The following GRIN2A variants were observed in gnomAD, a reference collection of about 807,000 sequenced individuals.
GRIN2A encodes glutamate ionotropic receptor NMDA type subunit 2A.
GRIN2A carries 22 observed loss-of-function variants against 113.4 expected under a neutral mutation model. That is an observed-to-expected ratio of 0.19 (90% confidence interval 0.14 to 0.28). The LOEUF is 0.28. Ranked by LOEUF, GRIN2A falls within the 10% of genes least tolerant of loss-of-function variation. The probability of loss-of-function intolerance (pLI) is 1.00; values close to 1 mark genes in which losing one functional copy is unlikely to be tolerated. For missense variants in GRIN2A, 1,502 were observed against 1,887.0 expected, an observed-to-expected ratio of 0.80 and a Z score of 3.78; for synonymous variants, 827 against 738.4, an observed-to-expected ratio of 1.12 and a Z score of -1.94.
At chr16:9,924,046 G>A (rs1395622155) in intron 3 of GRIN2A, among the ~76,000 whole-genome samples, 1 of 149,974 alleles carries the variant, frequency 6.7e-6, no homozygotes, top group Non-Finnish European at 1.5e-5. Flanking sequence ...AGAAGGTGGA[G>A]GTTGTAGTGA....
intron 2 of GRIN2A, among the ~76,000 whole-genome samples, chr16:10,089,996 C>CATAGATG (rs915520124): frequency 6.6e-6 from 1 of 152,056 alleles, no homozygotes; most frequent in Non-Finnish European, 1.5e-5. Flanking sequence ...AATCCCAAGA[C>CATAGATG]ATAGATGATA....
intron 3 of GRIN2A, among the ~76,000 whole-genome samples, chr16:9,924,710 T>TC (rs1443200029): frequency 7.8e-5 from 2 of 25,554 alleles, no homozygotes; most frequent in East Asian, 6.9e-4. Context: ...AATGCATAGT[T>TC]CAATTGTGTT....
chr16:9,897,771 G>T (rs910819065), intron 3 of GRIN2A, among the ~76,000 whole-genome samples: 2 of 152,120 alleles, frequency 1.3e-5, no homozygotes, highest in African/African-American at 4.8e-5. Flanking sequence ...CTAATGAACA[G>T]CTGTTCTAGA....
At chr16:9,878,127 A>G (rs907114380) in intron 4 of GRIN2A, among the ~76,000 whole-genome samples, 2 of 152,146 alleles carry the variant, frequency 1.3e-5, no homozygotes, top group African/African-American at 4.8e-5. Context: ...TCTTACATTT[A>G]TACCACCTGT....
chr16:9,765,031 G>A (rs1451431497), intron 12 of GRIN2A, 83 bp from the exon 13 acceptor site: 1 of 1,560,842 alleles, frequency 6.4e-7, no homozygotes, highest in Non-Finnish European at 8.8e-7. Context: ...TACCTGCAAA[G>A]GTGAGATTTG....
At chr16:10,044,115 G>A (rs146608636) in intron 2 of GRIN2A, among the ~76,000 whole-genome samples, 3 of 151,118 alleles carry the variant, frequency 2.0e-5, no homozygotes, top group South Asian at 2.1e-4. Flanking sequence ...ATACGGTGGC[G>A]CAATCTCGGC....
chr16:10,071,850 T>C (rs911438659), intron 2 of GRIN2A, among the ~76,000 whole-genome samples: 2 of 152,210 alleles, frequency 1.3e-5, no homozygotes, highest in Non-Finnish European at 2.9e-5. Context: ...ATATGCATCA[T>C]CTTGTTTAAT....
chr16:9,823,144 G>GT (rs1567324630), intron 9 of GRIN2A, among the ~76,000 whole-genome samples: 1 of 152,170 alleles, frequency 6.6e-6, no homozygotes, highest in Non-Finnish European at 1.5e-5. Context: ...TGCATCACCA[G>GT]TCTTCTCTGA....
At chr16:10,143,291 T>G (rs12929343) in intron 2 of GRIN2A, among the ~76,000 whole-genome samples, 19,502 of 152,200 alleles carry the variant, frequency 0.13, 1,441 homozygotes, top group South Asian at 0.18. Flanking sequence ...TGTATTCCAG[T>G]GTGTGGTATA....
intron 2 of GRIN2A, among the ~76,000 whole-genome samples, chr16:10,043,279 C>T (rs986201703): frequency 2.6e-5 from 4 of 152,240 alleles, no homozygotes; most frequent in East Asian, 1.9e-4. Context: ...TGAGAGGCAC[C>T]GCTAGGATTC....
intron 2 of GRIN2A, among the ~76,000 whole-genome samples, chr16:9,946,491 T>A (rs1270113480): frequency 6.6e-6 from 1 of 152,102 alleles, no homozygotes. Context: ...TTTCTTCAGA[T>A]CCCTTTTTTT....
chr16:10,058,949 C>A (rs1191974828), intron 2 of GRIN2A, among the ~76,000 whole-genome samples: 2 of 152,124 alleles, frequency 1.3e-5, no homozygotes, highest in Admixed American at 6.5e-5. Flanking sequence ...AAAGAATCAA[C>A]AGAGTGATAT....
At chr16:9,835,981 C>T (rs1277126611) in intron 7 of GRIN2A, among the ~76,000 whole-genome samples, 2 of 152,160 alleles carry the variant, frequency 1.3e-5, no homozygotes, top group African/African-American at 2.4e-5. Flanking sequence ...ATCAATGAAA[C>T]TGCAACTGAA....
At chr16:10,045,005 A>G (rs1222338385) in intron 2 of GRIN2A, among the ~76,000 whole-genome samples, 2 of 152,198 alleles carry the variant, frequency 1.3e-5, no homozygotes, top group East Asian at 3.8e-4. Flanking sequence ...TTTGAATAAA[A>G]CATTTACCGT....
chr16:10,170,187 G>A (rs547783595), intron 2 of GRIN2A, among the ~76,000 whole-genome samples: 23 of 152,278 alleles, frequency 1.5e-4, no homozygotes, highest in African/African-American at 4.6e-4. Context: ...CAGATTCAGC[G>A]TGCAGTACAC....
intron 9 of GRIN2A, among the ~76,000 whole-genome samples, chr16:9,825,414 AT>A (rs146768673): frequency 6.6e-6 from 1 of 151,948 alleles, no homozygotes; most frequent in East Asian, 1.9e-4. Flanking sequence ...TTATTTTCTA[AT>A]TTTTTTTCCA....
Position 9,822,410 on chromosome 16 carries a change from A to C in GRIN2A, c.2022T>G (p.His674Gln), listed in dbSNP as rs910115733. ...CAAATCGAAAAGGTGGGGAATAGTC[A>C]TGAGGTCTCTGAAACTGGAGAGAGA... is the stretch of plus-strand genomic sequence containing the variant. ...GLSDKKFQRPHDYSPPFRFGT... is the reference protein window; with the variant it reads ...GLSDKKFQRPQDYSPPFRFGT... The change falls in exon 10 of 13, where the codon CAT becomes CAG. Residue 674 changes from histidine to glutamine, a missense_variant. Physicochemically the swap from His to Gln is conservative, Grantham distance 24 (BLOSUM62 0). Around this residue, in one of 7 missense-constraint regions of GRIN2A, gnomAD observed 101 missense variants for 240.4 expected, o/e 0.42. Transcript: ENST00000330684. 1.9e-6 allele frequency: 3 copies of C among 1,610,248 alleles called. No homozygotes were observed. The highest frequency in any genetic ancestry group is 2.5e-6 in the Non-Finnish European group (3 of 1,176,616).
At chr16:10,026,365 T>C (rs761829932) in intron 2 of GRIN2A, among the ~76,000 whole-genome samples, 6 of 152,206 alleles carry the variant, frequency 3.9e-5, no homozygotes, top group Non-Finnish European at 8.8e-5. Flanking sequence ...GTCCAGCATG[T>C]ACAGGGAATC....
chr16:9,911,007 C>T (rs1437281716), intron 3 of GRIN2A, among the ~76,000 whole-genome samples: 1 of 151,734 alleles, frequency 6.6e-6, no homozygotes, highest in East Asian at 1.9e-4. Context: ...GAAAGGTCTT[C>T]TTTACTTTAA....
Sources: allele counts gnomAD v4.1 joint callset (sites outside exome capture counted in the v4.1 genomes callset), GRCh38; gene constraint gnomAD v4.1.1; regional missense constraint gnomAD v4.1.1; transcripts MANE v1.5; gene names NCBI Gene and HGNC (gene_info 2026-07-23, HGNC 2026-07-21).